Variants in ELMO1 observed in about 807,000 individuals in gnomAD.
ELMO1 encodes engulfment and cell motility protein 1.
Under a neutral mutation model 98.9 loss-of-function variants are expected in ELMO1, and 26 were observed. The ratio of observed to expected loss-of-function variants is 0.26; its 90% confidence interval spans 0.19 to 0.36. ELMO1 has a LOEUF of 0.36. Ranked by LOEUF, ELMO1 falls within the 10% of genes least tolerant of loss-of-function variation. The probability of loss-of-function intolerance (pLI) is 1.00; values close to 1 mark genes in which losing one functional copy is unlikely to be tolerated. For missense variants in ELMO1, 627 were observed against 935.2 expected (o/e 0.67, Z 4.30); for synonymous variants, 346 against 346.0 (o/e 1.00, Z 0.00).
At chr7:37,155,828 T>C (rs777443723) in intron 13 of ELMO1, among the ~76,000 whole-genome samples, 12 of 152,122 alleles carry the variant, frequency 7.9e-5, no homozygotes, top group Non-Finnish European at 1.2e-4. Flanking sequence ...GCAGACCTAA[T>C]AGACATTTAC....
chr7:37,335,035 A>G (rs1168084326), intron 2 of ELMO1, among the ~76,000 whole-genome samples: 1 of 152,238 alleles, frequency 6.6e-6, no homozygotes, highest in Non-Finnish European at 1.5e-5. Context: ...AAAGGATACA[A>G]ATGTATGTAA....
chr7:37,363,498 T>C (rs1160350414), intron 1 of ELMO1, among the ~76,000 whole-genome samples: 10 of 151,974 alleles, frequency 6.6e-5, no homozygotes. Context: ...CATCCATCTC[T>C]CTCTCCCTCA....
intron 16 of ELMO1, among the ~76,000 whole-genome samples, chr7:36,969,630 G>C (rs1789746507): frequency 1.3e-5 from 2 of 152,130 alleles, no homozygotes. Context: ...TATGTGGTGG[G>C]GGTGTGGGGT....
At chr7:36,943,340 C>A (rs549151406) in intron 16 of ELMO1, among the ~76,000 whole-genome samples, 19 of 152,294 alleles carry the variant, frequency 1.2e-4, no homozygotes, top group African/African-American at 4.6e-4. Flanking sequence ...TAAATCCAGT[C>A]TTCCCTTTCC....
At chr7:37,275,552 TGCA>T (rs1446281193) in intron 4 of ELMO1, among the ~76,000 whole-genome samples, 1 of 152,140 alleles carries the variant, frequency 6.6e-6, no homozygotes, top group Non-Finnish European at 1.5e-5. Flanking sequence ...GGAAGAACAA[TGCA>T]CTGTTAGAGG....
intron 6 of ELMO1, among the ~76,000 whole-genome samples, chr7:37,247,334 G>C (rs1042092009): frequency 4.6e-5 from 7 of 152,068 alleles, no homozygotes; most frequent in Non-Finnish European, 1.0e-4. Flanking sequence ...GACAGTGGTA[G>C]GTAAAACCAG....
At chr7:37,370,578 T>C (rs1268922977) in intron 1 of ELMO1, among the ~76,000 whole-genome samples, 2 of 151,850 alleles carry the variant, frequency 1.3e-5, no homozygotes, top group African/African-American at 2.4e-5. Context: ...CTCCAATGAA[T>C]CAATATGAAA....
chr7:37,075,744 C>A (rs184518242), intron 15 of ELMO1, among the ~76,000 whole-genome samples: 11 of 152,176 alleles, frequency 7.2e-5, no homozygotes, highest in Non-Finnish European at 1.6e-4. Flanking sequence ...TCACAAAGAG[C>A]CAGAAGTGGC....
chr7:37,081,108 T>C (rs1179027698), intron 15 of ELMO1, among the ~76,000 whole-genome samples: 3 of 152,242 alleles, frequency 2.0e-5, no homozygotes, highest in Non-Finnish European at 4.4e-5. Context: ...TTCACTGCTA[T>C]AGCCCCAGTG....
intron 16 of ELMO1, among the ~76,000 whole-genome samples, chr7:36,970,130 A>G (rs1047011654): frequency 6.6e-6 from 1 of 151,638 alleles, no homozygotes; most frequent in Non-Finnish European, 1.5e-5. Context: ...GGCTCTCCTT[A>G]TATATGTAAA....
chr7:36,952,239 G>A (rs1011781948), intron 16 of ELMO1, among the ~76,000 whole-genome samples: 1 of 152,192 alleles, frequency 6.6e-6, no homozygotes, highest in Admixed American at 6.5e-5. Context: ...AGATTTGAAA[G>A]GAATCAGTCA....
At position 37,331,333 on chromosome 7, in the gene ELMO1, C is replaced by CTTTTTTTTTTTTTTTTTTTTTTT. The variant is rs776303689; in HGVS notation, c.78+11279_78+11280insAAAAAAAAAAAAAAAAAAAAAAA. Among the ~76,000 whole-genome samples the CTTTTTTTTTTTTTTTTTTTTTTT allele has an allele frequency of 8.7e-4, 25 of 28,732 alleles. 7 individuals are homozygous for CTTTTTTTTTTTTTTTTTTTTTTT. Among genetic ancestry groups the CTTTTTTTTTTTTTTTTTTTTTTT allele is most frequent in the East Asian group, 2.8e-3 (3 of 1,054 alleles). The allele number at this position is 28,732 out of a possible 152,430, so 18.8% of individuals were successfully genotyped here. On this transcript the variant is annotated intron_variant, in intron 2 of 21. Transcript: ENST00000310758. Reference sequence around the variant, plus strand: ...TACAGGCGCCAGCCGCCACGCCTGGCTTTTTTTTTTTTTTTTTTTTTTGGA... The same window carrying CTTTTTTTTTTTTTTTTTTTTTTT: ...TACAGGCGCCAGCCGCCACGCCTGGCTTTTTTTTTTTTTTTTTTTTTTTTTTTTTTTTTTTTTTTTTTTTTGGA...
chr7:37,350,181 C>T (rs956835881), intron 1 of ELMO1, among the ~76,000 whole-genome samples: 3 of 152,112 alleles, frequency 2.0e-5, no homozygotes, highest in Non-Finnish European at 4.4e-5. Flanking sequence ...TGAGGGAACA[C>T]GGTGTGTTCA....
At chr7:37,183,981 C>A (rs926282139) in intron 13 of ELMO1, among the ~76,000 whole-genome samples, 1 of 152,138 alleles carries the variant, frequency 6.6e-6, no homozygotes, top group Non-Finnish European at 1.5e-5. Context: ...TCTACCAACA[C>A]CTCTAATTTC....
chr7:37,239,440 C>T (rs2130673819), intron 7 of ELMO1, among the ~76,000 whole-genome samples: 1 of 152,280 alleles, frequency 6.6e-6, no homozygotes, highest in African/African-American at 2.4e-5. Flanking sequence ...GCTGGGATTA[C>T]AGGCGTGAGC....
intron 14 of ELMO1, among the ~76,000 whole-genome samples, chr7:37,127,265 C>G (rs74758938): frequency 1.3e-5 from 2 of 152,292 alleles, no homozygotes; most frequent in Non-Finnish European, 2.9e-5. Flanking sequence ...GCTTCCTGAC[C>G]ATGCTAGACT....
At chr7:37,399,844 C>T (rs1050801547) in intron 1 of ELMO1, among the ~76,000 whole-genome samples, 3 of 152,216 alleles carry the variant, frequency 2.0e-5, no homozygotes, top group African/African-American at 7.2e-5. Context: ...CCGCTCCACA[C>T]ACGGCATAAA....
At chr7:37,165,304 T>C (rs1789586586) in intron 13 of ELMO1, among the ~76,000 whole-genome samples, 3 of 151,918 alleles carry the variant, frequency 2.0e-5, no homozygotes, top group Admixed American at 6.6e-5. Context: ...TGACTTCCTC[T>C]TTTCCTAATT....
intron 16 of ELMO1, among the ~76,000 whole-genome samples, chr7:36,928,783 C>T (rs2129081956): frequency 6.6e-6 from 1 of 152,332 alleles, no homozygotes; most frequent in South Asian, 2.1e-4. Flanking sequence ...GACAGTCCTG[C>T]TGAGGAACTA....
Sources: gnomAD v4.1 joint callset for allele counts (sites outside exome capture counted in the v4.1 genomes callset) on GRCh38, gnomAD v4.1.1 for gene constraint, MANE v1.5 for transcripts, NCBI Gene and HGNC (gene_info 2026-07-23, HGNC 2026-07-21) for gene names.